IFT122: variants seen among roughly 807,000 people sequenced by gnomAD.
The protein encoded by IFT122 is intraflagellar transport 122, also known as intraflagellar transport protein 122 homolog.
IFT122 carries 118 observed loss-of-function variants against 161.6 expected under a neutral mutation model. The observed-to-expected ratio is 0.73, with a 90% CI of 0.63 to 0.85. The LOEUF (loss-of-function observed/expected upper bound fraction) is 0.85. Ranked by LOEUF, IFT122 falls within the 40% of genes least tolerant of loss-of-function variation. IFT122 has a pLI of 0.00. For missense variants in IFT122, 1,381 were observed against 1,579.6 expected (o/e 0.87, Z 2.13); for synonymous variants, 550 against 602.4 (o/e 0.91, Z 1.27).
intron 11 of IFT122, among the ~76,000 whole-genome samples, chr3:129,477,150 A>G (rs1170783580): frequency 2.0e-5 from 3 of 152,010 alleles, no homozygotes; most frequent in Non-Finnish European, 2.9e-5. Flanking sequence ...GTGGACCTTT[A>G]TCCTTTCTGG....
At chr3:129,479,733 TG>T (rs1559916859) in intron 12 of IFT122, 51 bp from the exon 13 acceptor site, 1 of 1,612,260 alleles carries the variant, frequency 6.2e-7, no homozygotes, top group South Asian at 1.1e-5. Flanking sequence ...TGGGGAGGTC[TG>T]GGGGCACTTA....
intron 2 of IFT122, among the ~76,000 whole-genome samples, chr3:129,450,278 C>T (rs773364715): frequency 2.6e-5 from 4 of 152,166 alleles, no homozygotes; most frequent in Non-Finnish European, 4.4e-5. Flanking sequence ...ACAGGACTGA[C>T]GGTGCTGTGT....
At position 129,495,578 on chromosome 3, in the gene IFT122, A is replaced by G. The variant is rs775328391; in HGVS notation, c.2179A>G (p.Thr727Ala). The G allele has an allele frequency of 6.2e-7, 1 of 1,614,118 alleles. No homozygotes were observed. Among genetic ancestry groups the G allele is most frequent in the Non-Finnish European group, 8.5e-7 (1 of 1,180,016 alleles). ...GHENLALEMY[T>A]DLCMFEYAKD... ...CGAGAACCTCGCGCTTGAAATGTAC[A>G]CCGACCTCTGCATGTTTGAGTATGC... Residue 727 changes from threonine (T) to alanine (A), a missense_variant, in exon 18 of 30, where the codon ACC becomes GCC. Transcript: ENST00000348417.
At chr3:129,491,701 C>G (rs56041525) in intron 16 of IFT122, among the ~76,000 whole-genome samples, 1,591 of 152,238 alleles carry the variant, frequency 0.01, 17 homozygotes, top group African/African-American at 0.036. Context: ...ACTGGGTAGG[C>G]ATAGCTGTCC....
intron 18 of IFT122, among the ~76,000 whole-genome samples, chr3:129,497,007 A>G (rs1405025372): frequency 6.6e-6 from 1 of 152,216 alleles, no homozygotes; most frequent in Non-Finnish European, 1.5e-5. Context: ...CAGGCTGGGC[A>G]TGGTGGCTCA....
intron 18 of IFT122, 28 bp from the exon 19 acceptor site, chr3:129,499,874 A>C: frequency 6.2e-7 from 1 of 1,613,328 alleles, no homozygotes; most frequent in East Asian, 2.2e-5. Context: ...TCTGATCCAG[A>C]GTGTTTTTGT....
chr3:129,477,890 A>AT, intron 11 of IFT122, 126 bp from the exon 12 acceptor site: 2 of 777,760 alleles, frequency 2.6e-6, no homozygotes, highest in Non-Finnish European at 4.3e-6. Flanking sequence ...TACTCTAAAG[A>AT]TTTTTCAATG....
rs2077339350 is a variant in IFT122 at position 129,471,219 on chromosome 3, G to A, written c.816+1802G>A. On this transcript the variant is annotated intron_variant, in intron 9 of 29. Transcript: ENST00000348417. ...GAGGGAAGAGTTTTAGATGTGTGTAGCCCAGCTTTTGGGCCATTTCTTCTA... is the reference window on the plus strand; with the variant it reads ...GAGGGAAGAGTTTTAGATGTGTGTAACCCAGCTTTTGGGCCATTTCTTCTA... Among the ~76,000 whole-genome samples, 2 of 152,170 alleles carry A rather than the reference G, an allele frequency of 1.3e-5. 1 individual carries two copies. Among genetic ancestry groups the A allele is most frequent in the South Asian group, 4.1e-4 (2 of 4,826 alleles).
intron 28 of IFT122, 43 bp from the exon 29 acceptor site, chr3:129,519,525 G>A: frequency 6.2e-7 from 1 of 1,609,950 alleles, no homozygotes; most frequent in South Asian, 1.1e-5. Flanking sequence ...GTCTCACTGT[G>A]GCTGAGTGAG....
At chr3:129,455,106 A>G (rs1243035392) in intron 3 of IFT122, among the ~76,000 whole-genome samples, 1 of 151,994 alleles carries the variant, frequency 6.6e-6, no homozygotes, top group African/African-American at 2.4e-5. Flanking sequence ...AGATTGAGAT[A>G]CACTGAATTC....
intron 17 of IFT122, 139 bp from the exon 18 acceptor site, chr3:129,495,307 G>T (rs2080704988): frequency 3.3e-6 from 4 of 1,199,776 alleles, no homozygotes; most frequent in Non-Finnish European, 4.6e-6. Context: ...AGGGGAGAGA[G>T]ACAACAGCCA....
intron 20 of IFT122, among the ~76,000 whole-genome samples, chr3:129,503,551 G>C (rs1176732767): frequency 6.6e-6 from 1 of 152,046 alleles, no homozygotes; most frequent in Non-Finnish European, 1.5e-5. Flanking sequence ...AGGATTAGGA[G>C]CTGTGCCAAG....
chr3:129,441,128 A>G (rs545562231), intron 1 of IFT122, among the ~76,000 whole-genome samples: 1 of 152,372 alleles, frequency 6.6e-6, no homozygotes, highest in Admixed American at 6.5e-5. Context: ...GCCTAAATCT[A>G]TAACATAGCA....
intron 4 of IFT122, 63 bp downstream of exon 4, chr3:129,458,740 C>G: frequency 1.6e-6 from 2 of 1,289,968 alleles, no homozygotes; most frequent in Non-Finnish European, 2.3e-6. Context: ...CAGCAAAAGC[C>G]TCTTAGAAAA....
chr3:129,507,546 A>G (rs2082312105), intron 22 of IFT122, 122 bp from the exon 23 acceptor site: 2 of 815,422 alleles, frequency 2.5e-6, no homozygotes, highest in East Asian at 4.9e-5. Flanking sequence ...TGGCACAGAC[A>G]CTGTGTGGTG....
At chr3:129,444,935 C>A (rs1433638352) in intron 1 of IFT122, among the ~76,000 whole-genome samples, 1 of 152,164 alleles carries the variant, frequency 6.6e-6, no homozygotes, top group Non-Finnish European at 1.5e-5. Flanking sequence ...TCATGTAATG[C>A]CTTAAGTAGG....
At chr3:129,501,524 A>G (rs752782346) in intron 19 of IFT122, among the ~76,000 whole-genome samples, 1 of 152,172 alleles carries the variant, frequency 6.6e-6, no homozygotes, top group Non-Finnish European at 1.5e-5. Context: ...TGTTCCCCAC[A>G]TTATTCTTTA....
intron 12 of IFT122, among the ~76,000 whole-genome samples, chr3:129,478,506 A>G (rs2078236513): frequency 6.6e-6 from 1 of 152,192 alleles, no homozygotes; most frequent in Admixed American, 6.5e-5. Flanking sequence ...CCAGGCTGGA[A>G]TGCAGTGGCA....
At chr3:129,445,833 A>G (rs1230115771) in intron 1 of IFT122, among the ~76,000 whole-genome samples, 1 of 152,250 alleles carries the variant, frequency 6.6e-6, no homozygotes, top group East Asian at 1.9e-4. Flanking sequence ...AGAGCTCAGC[A>G]GGTGCTGTCT....
Sources: allele counts gnomAD v4.1 joint callset (sites outside exome capture counted in the v4.1 genomes callset), GRCh38; gene constraint gnomAD v4.1.1; transcripts MANE v1.5; gene names NCBI Gene and HGNC (gene_info 2026-07-23, HGNC 2026-07-21).